The following SHPRH variants were observed in gnomAD, a reference collection of about 807,000 sequenced individuals.
SHPRH encodes the protein E3 ubiquitin-protein ligase SHPRH.
In SHPRH, 106 loss-of-function variants were observed where a neutral mutation model predicts 202.5. The ratio of observed to expected loss-of-function variants is 0.52; its 90% CI spans 0.45 to 0.62. The LOEUF is 0.62. Ranked by LOEUF, SHPRH falls within the 20% of genes least tolerant of loss-of-function variation. The pLI is 0.00. For synonymous variants in SHPRH, 729 were observed against 686.0 expected (o/e 1.06, Z -0.98); for missense variants, 1,710 against 2,020.0 (o/e 0.85, Z 2.94).
chr6:145,892,149 T>C (rs887548423), intron 28 of SHPRH, among the ~76,000 whole-genome samples: 2 of 152,162 alleles, frequency 1.3e-5, no homozygotes, highest in Non-Finnish European at 2.9e-5. Context: ...CGATGATCTC[T>C]TTCTCATACT....
intron 25 of SHPRH, chr6:145,904,637 TAACAGAAAAAGC>T (rs1454590049): frequency 1.2e-4 from 19 of 152,098 alleles, no homozygotes; most frequent in African/African-American, 3.9e-4. Context: ...ACACAAATGG[TAACAGAAAAAGC>T]AGTGAAGAGC....
chr6:145,873,164 G>A (rs1326620761), intron 2 of SHPRH, among the ~76,000 whole-genome samples: 2 of 152,030 alleles, frequency 1.3e-5, no homozygotes, highest in African/African-American at 4.8e-5. Flanking sequence ...TCCTGCACAT[G>A]TATCCCTGAA....
At chr6:145,888,210 G>T (rs1378935632) in intron 28 of SHPRH, 110 bp from the exon 29 acceptor site, 3 of 711,026 alleles carry the variant, frequency 4.2e-6, no homozygotes, top group Non-Finnish European at 7.1e-6. Context: ...GCCCACTTGT[G>T]GCAGGTGCTG....
intron 14 of SHPRH, among the ~76,000 whole-genome samples, chr6:145,928,295 T>A (rs1478792720): frequency 6.6e-6 from 1 of 151,888 alleles, no homozygotes; most frequent in Non-Finnish European, 1.5e-5. Context: ...AATAATAGAA[T>A]CTATCTTAAC....
intron 29 of SHPRH, among the ~76,000 whole-genome samples, chr6:145,887,736 T>A (rs978871941): frequency 1.3e-5 from 2 of 152,114 alleles, no homozygotes; most frequent in Admixed American, 1.3e-4. Context: ...GGTTTCACCA[T>A]GTTGGCCAGG....
chr6:145,893,120 G>C (rs1402488906), intron 28 of SHPRH, 95 bp downstream of exon 28: 2 of 1,050,606 alleles, frequency 1.9e-6, no homozygotes, highest in Non-Finnish European at 2.5e-6. Context: ...TTAAAAACAA[G>C]TACGCTATGA....
At chr6:145,954,159 T>C (rs767694705) in intron 2 of SHPRH, among the ~76,000 whole-genome samples, 2 of 151,672 alleles carry the variant, frequency 1.3e-5, no homozygotes, top group Non-Finnish European at 2.9e-5. Flanking sequence ...CAGAAGGAAC[T>C]ATAAGAACAA....
chr6:145,896,252 C>T (rs1050554886), intron 25 of SHPRH, among the ~76,000 whole-genome samples: 3 of 151,966 alleles, frequency 2.0e-5, no homozygotes, highest in African/African-American at 7.2e-5. Context: ...AAATGTACTA[C>T]AAAGAACCTA....
Position 145,935,413 on chromosome 6 carries a change from A to C in SHPRH, c.2598T>G (p.Gly866=), listed in dbSNP as rs1286657223. 4 of 1,613,890 alleles carry C rather than the reference A, an allele frequency of 2.5e-6. No homozygotes were observed. The highest frequency in any genetic ancestry group is 1.3e-5 in the African/African-American group (1 of 74,914). The change falls in exon 12 of 30, where the codon GGT becomes GGG. Residue 866 remains glycine (G), a synonymous_variant. Transcript: ENST00000275233. ...EDLFGLVVFL[G]IEPYCVKHWW... Reference sequence around the variant, plus strand: ...AGTGTTTGACACAGTAAGGTTCAATACCAAGAAAGACCACTAACCCAAAAA... The same window carrying C: ...AGTGTTTGACACAGTAAGGTTCAATCCCAAGAAAGACCACTAACCCAAAAA...
In SHPRH at chr6:145,964,345, G is replaced by C. The variant is rs1172678042; in HGVS notation, c.-647C>G. The C allele has an allele frequency of 2.6e-5, 4 of 152,260 alleles. No individual in the cohort carries two copies. Among genetic ancestry groups the C allele is most frequent in the African/African-American group, 4.8e-5 (2 of 41,454 alleles). The allele number at this position is 152,260 out of a possible 1,614,324, so 9.4% of individuals were successfully genotyped here. A position where few individuals can be genotyped will look rare whatever the true frequency, so the allele number is the denominator to read the frequency against. On this transcript the variant is annotated 5_prime_UTR_variant, in exon 1 of 30. Coordinates refer to ENST00000275233, the MANE Select transcript of SHPRH (RefSeq NM_001042683.3). ...AAACCACAGCGCCTAGCTGCCGGGC[G>C]CGCGCTGTAGCGTGGGGTCAAGGCG...
intron 2 of SHPRH, among the ~76,000 whole-genome samples, chr6:145,874,081 C>T (rs1415332170): frequency 1.3e-5 from 2 of 152,016 alleles, no homozygotes; most frequent in Non-Finnish European, 2.9e-5. Flanking sequence ...GCCTGTAATC[C>T]CAGCTACTTG....
At chr6:145,936,601 A>C (rs1242047199) in intron 11 of SHPRH, among the ~76,000 whole-genome samples, 1 of 152,158 alleles carries the variant, frequency 6.6e-6, no homozygotes, top group East Asian at 1.9e-4. Flanking sequence ...TGCTGGGATT[A>C]CAGGTGTGAG....
At chr6:145,915,616 T>C (rs1438544633) in intron 23 of SHPRH, among the ~76,000 whole-genome samples, 4 of 152,078 alleles carry the variant, frequency 2.6e-5, no homozygotes, top group Non-Finnish European at 5.9e-5. Context: ...CAATGTCAAC[T>C]GGTTACATAG....
intron 2 of SHPRH, among the ~76,000 whole-genome samples, chr6:145,878,609 T>C (rs1330609912): frequency 6.6e-6 from 1 of 152,242 alleles, no homozygotes; most frequent in Non-Finnish European, 1.5e-5. Context: ...TAAATTGGGT[T>C]ATTTGTCTTT....
intron 2 of SHPRH, among the ~76,000 whole-genome samples, chr6:145,866,944 T>C (rs1455573113): frequency 6.6e-6 from 1 of 152,140 alleles, no homozygotes; most frequent in East Asian, 1.9e-4. Context: ...ATTTCTGGTA[T>C]GCAAAAATCT....
chr6:145,933,313 C>T, intron 13 of SHPRH, 135 bp from the exon 14 acceptor site: 1 of 1,309,570 alleles, frequency 7.6e-7, no homozygotes, highest in South Asian at 1.6e-5. Context: ...TTTTTTTCGC[C>T]TCAATTTTTA....
chr6:145,900,155 T>C (rs1782369786), intron 25 of SHPRH, among the ~76,000 whole-genome samples: 1 of 152,164 alleles, frequency 6.6e-6, no homozygotes, highest in Non-Finnish European at 1.5e-5. Context: ...TTTCTGGGTA[T>C]ATATCCAGGG....
At position 145,962,365 on chromosome 6, in the gene SHPRH, T is replaced by G. The variant is rs546141617; in HGVS notation, c.-33+1366A>C. On this transcript the variant is annotated intron_variant, in intron 1 of 29. Coordinates refer to ENST00000275233, the MANE Select transcript of SHPRH (RefSeq NM_001042683.3). The stretch of plus-strand genomic sequence containing the variant: ...AAAGATCTCTAATTCCGTGGATGTA[T>G]TCCCTCCTTTTGAGGACCTAACGAT... Among the ~76,000 whole-genome samples, 4 of 152,346 alleles carry G rather than the reference T, an allele frequency of 2.6e-5. No homozygotes were observed. The East Asian group carries it at 7.7e-4, about 29-fold the overall frequency.
downstream of SHPRH, among the ~76,000 whole-genome samples, chr6:145,859,448 C>A (rs775738924): frequency 2.0e-5 from 3 of 151,922 alleles, no homozygotes; most frequent in Middle Eastern, 0.01. Flanking sequence ...TTATTATGTT[C>A]AGAATAACTT....
Sources: gnomAD v4.1 joint callset for allele counts (sites outside exome capture counted in the v4.1 genomes callset) on GRCh38, gnomAD v4.1.1 for gene constraint, MANE v1.5 for transcripts, NCBI Gene and HGNC (gene_info 2026-07-23, HGNC 2026-07-21) for gene names.